CPA6: variants seen among roughly 807,000 people sequenced by gnomAD.
CPA6 encodes carboxypeptidase A6.
A neutral mutation model predicts 63.3 loss-of-function variants in CPA6; 58 were observed. The ratio of observed to expected loss-of-function variants is 0.92; its 90% CI spans 0.74 to 1.14. CPA6 has a LOEUF of 1.14. CPA6 is among the 50% of genes most tolerant of loss of function. The pLI is 0.00. For synonymous variants in CPA6, 185 were observed against 179.0 expected, an observed-to-expected ratio of 1.03 and a Z score of -0.27; for missense variants, 565 against 526.6, an observed-to-expected ratio of 1.07 and a Z score of -0.71.
intron 2 of CPA6, among the ~76,000 whole-genome samples, chr8:67,587,146 C>T (rs889307117): frequency 6.6e-5 from 10 of 152,226 alleles, no homozygotes; most frequent in African/African-American, 2.4e-4. Context: ...CCGTAGATTC[C>T]ATCAGAGATA....
At chr8:67,719,974 C>A (rs578221134) in intron 1 of CPA6, among the ~76,000 whole-genome samples, 4 of 152,048 alleles carry the variant, frequency 2.6e-5, no homozygotes, top group African/African-American at 9.7e-5. Flanking sequence ...CTTTCATGCG[C>A]GTCCGTGTGA....
At chr8:67,646,494 C>T (rs183609574) in intron 1 of CPA6, among the ~76,000 whole-genome samples, 13 of 152,300 alleles carry the variant, frequency 8.5e-5, no homozygotes, top group Admixed American at 6.5e-4. Flanking sequence ...ACACTCCAAC[C>T]GAGCAAACCT....
chr8:67,427,674 G>C (rs1809924056), intron 10 of CPA6, among the ~76,000 whole-genome samples: 3 of 152,186 alleles, frequency 2.0e-5, no homozygotes, highest in African/African-American at 7.2e-5. Context: ...AGGAGTAAAA[G>C]GGAAGCAGTT....
intron 1 of CPA6, among the ~76,000 whole-genome samples, chr8:67,654,118 T>C (rs1486752958): frequency 6.6e-6 from 1 of 152,202 alleles, no homozygotes; most frequent in Non-Finnish European, 1.5e-5. Flanking sequence ...GATAAGCTTT[T>C]TGATGTGCTG....
chr8:67,739,606 C>T (rs10113239), intron 1 of CPA6, among the ~76,000 whole-genome samples: 19,354 of 152,142 alleles, frequency 0.13, 1,933 homozygotes, highest in African/African-American at 0.28. Flanking sequence ...ATGGCGCCTG[C>T]TTGCTTTGTT....
At chr8:67,732,255 T>C (rs1238033013) in intron 1 of CPA6, among the ~76,000 whole-genome samples, 1 of 152,198 alleles carries the variant, frequency 6.6e-6, no homozygotes, top group Non-Finnish European at 1.5e-5. Flanking sequence ...CCCACATTCC[T>C]CCGAAAGCCG....
intron 1 of CPA6, among the ~76,000 whole-genome samples, chr8:67,741,794 T>C (rs1452577886): frequency 6.6e-6 from 1 of 152,146 alleles, no homozygotes; most frequent in African/African-American, 2.4e-5. Context: ...GTGAGTCCTA[T>C]AATTATTTCA....
chr8:67,631,658 A>G (rs1294653785), intron 1 of CPA6, among the ~76,000 whole-genome samples: 1 of 152,216 alleles, frequency 6.6e-6, no homozygotes, highest in Non-Finnish European at 1.5e-5. Flanking sequence ...GCAACCCACT[A>G]GGGTTCTCTT....
chr8:67,618,939 A>T (rs1199034950), intron 2 of CPA6, among the ~76,000 whole-genome samples: 1 of 152,188 alleles, frequency 6.6e-6, no homozygotes, highest in Non-Finnish European at 1.5e-5. Flanking sequence ...GTGCTTTCTC[A>T]ATCCAGTTCT....
At chr8:67,555,250 T>C (rs1038813311) in intron 2 of CPA6, among the ~76,000 whole-genome samples, 1 of 152,194 alleles carries the variant, frequency 6.6e-6, no homozygotes, top group South Asian at 2.1e-4. Flanking sequence ...AAACCAACCG[T>C]GTAACTGGAG....
At chr8:67,735,851 A>G (rs1276707474) in intron 1 of CPA6, among the ~76,000 whole-genome samples, 2 of 152,082 alleles carry the variant, frequency 1.3e-5, no homozygotes, top group African/African-American at 4.8e-5. Context: ...CCTTTGGGAG[A>G]AATCAGAAGC....
At chr8:67,627,230 A>G (rs1349561642) in intron 1 of CPA6, among the ~76,000 whole-genome samples, 1 of 152,164 alleles carries the variant, frequency 6.6e-6, no homozygotes, top group Non-Finnish European at 1.5e-5. Flanking sequence ...TGTGAAAACC[A>G]CATGACCCCC....
intron 1 of CPA6, among the ~76,000 whole-genome samples, chr8:67,675,284 G>A (rs558983341): frequency 6.6e-6 from 1 of 152,040 alleles, no homozygotes; most frequent in Non-Finnish European, 1.5e-5. Context: ...CTCTCCCAAC[G>A]CTGGGCTGGT....
intron 1 of CPA6, among the ~76,000 whole-genome samples, chr8:67,640,791 C>T (rs932359802): frequency 1.3e-5 from 2 of 151,572 alleles, no homozygotes; most frequent in Non-Finnish European, 2.9e-5. Context: ...CCAGCCCTAC[C>T]TCCTGTCTGC....
intron 2 of CPA6, among the ~76,000 whole-genome samples, chr8:67,604,855 G>A (rs886088802): frequency 2.0e-5 from 3 of 152,112 alleles, no homozygotes; most frequent in Admixed American, 6.6e-5. Flanking sequence ...TCAGCTCACT[G>A]CAACCTCCAC....
chr8:67,659,608 ATAT>A (rs1236203188), intron 1 of CPA6, among the ~76,000 whole-genome samples: 6 of 152,200 alleles, frequency 3.9e-5, no homozygotes, highest in African/African-American at 1.4e-4. Flanking sequence ...TATTGAAAAT[ATAT>A]TATATGTTGG....
intron 1 of CPA6, among the ~76,000 whole-genome samples, chr8:67,676,567 C>A (rs761688190): frequency 3.9e-5 from 6 of 152,182 alleles, no homozygotes; most frequent in African/African-American, 1.4e-4. Flanking sequence ...TCAACTTGGA[C>A]ACTCAGCTGC....
chr8:67,541,536 G>A (rs993054595), intron 2 of CPA6, among the ~76,000 whole-genome samples: 2 of 152,054 alleles, frequency 1.3e-5, no homozygotes, highest in African/African-American at 4.8e-5. Context: ...TTGCTCAATC[G>A]ATCACGATCC....
At chr8:67,604,502 C>T (rs1454144063) in intron 2 of CPA6, among the ~76,000 whole-genome samples, 5 of 152,176 alleles carry the variant, frequency 3.3e-5, no homozygotes, top group African/African-American at 9.7e-5. Flanking sequence ...TTTACGTTTC[C>T]CTACAACCAT....
Sources: gnomAD v4.1 joint callset for allele counts (sites outside exome capture counted in the v4.1 genomes callset) on GRCh38, gnomAD v4.1.1 for gene constraint, MANE v1.5 for transcripts, NCBI Gene and HGNC (gene_info 2026-07-23, HGNC 2026-07-21) for gene names.